Variants in CSMD1 observed in about 807,000 individuals in gnomAD.
The protein encoded by CSMD1 is CUB and sushi domain-containing protein 1.
Under a neutral mutation model 417.5 loss-of-function variants are expected in CSMD1, and 213 were observed. That is an observed-to-expected ratio of 0.51 (90% CI 0.46 to 0.57). The LOEUF is 0.57. Among genes scored for constraint, CSMD1 ranks in the 20% least tolerant of loss-of-function variants. The pLI, the probability that CSMD1 is intolerant of heterozygous loss-of-function variation, is 0.00. For synonymous variants in CSMD1, 2,862 were observed against 1,736.8 expected (o/e 1.65, Z -16.11); for missense variants, 6,923 against 4,529.7 (o/e 1.53, Z -15.17).
At chr8:4,613,365 T>G (rs1161823864) in intron 2 of CSMD1, among the ~76,000 whole-genome samples, 1 of 152,166 alleles carries the variant, frequency 6.6e-6, no homozygotes, top group Non-Finnish European at 1.5e-5. Flanking sequence ...ACCTCCACAC[T>G]GGCACACAGA....
chr8:3,983,578 T>C (rs1290359645), intron 5 of CSMD1, among the ~76,000 whole-genome samples: 2 of 152,222 alleles, frequency 1.3e-5, no homozygotes, highest in African/African-American at 4.8e-5. Context: ...TTGTTTTTGA[T>C]GTTTCTATTT....
intron 5 of CSMD1, among the ~76,000 whole-genome samples, chr8:3,814,529 C>T (rs1801267407): frequency 6.6e-6 from 1 of 152,166 alleles, no homozygotes; most frequent in African/African-American, 2.4e-5. Context: ...TTTGGCACTA[C>T]CTGGAGACGC....
intron 7 of CSMD1, among the ~76,000 whole-genome samples, chr8:3,644,349 T>G (rs1355315763): frequency 1.3e-5 from 2 of 152,202 alleles, no homozygotes; most frequent in African/African-American, 4.8e-5. Flanking sequence ...CCTTGTGTCA[T>G]GTCTGGCTCT....
chr8:3,305,494 G>A (rs555731330), intron 25 of CSMD1, among the ~76,000 whole-genome samples: 386 of 152,118 alleles, frequency 2.5e-3, no homozygotes, highest in African/African-American at 8.1e-3. Flanking sequence ...CATGGGAGTG[G>A]GTTAGCTATA....
chr8:2,953,201 T>G (rs144893868), intron 65 of CSMD1, among the ~76,000 whole-genome samples: 1 of 152,186 alleles, frequency 6.6e-6, no homozygotes, highest in Non-Finnish European at 1.5e-5. Flanking sequence ...GACTTCTGTA[T>G]GTGATTTTTA....
In CSMD1 at chr8:3,093,041, A is replaced by AT. The variant is rs1252723495; in HGVS notation, c.7139-1380dup. ...ACTCCCAATCAGAGCAGTTCTCATGATTTTTTTCAAGTAAGACTGTTATAG... is the reference window on the plus strand; with the variant it reads ...ACTCCCAATCAGAGCAGTTCTCATGATTTTTTTTCAAGTAAGACTGTTATAG... On this transcript the variant is annotated intron_variant, in intron 47 of 69. Coordinates refer to ENST00000635120, the MANE Select transcript of CSMD1 (RefSeq NM_033225.6). Among the ~76,000 whole-genome samples the AT allele has an allele frequency of 1.4e-4, 21 of 152,226 alleles. 1 individual carries two copies. The South Asian group carries it at 2.9e-3, about 21-fold the overall frequency.
intron 1 of CSMD1, among the ~76,000 whole-genome samples, chr8:4,690,073 G>C (rs1460905677): frequency 2.0e-5 from 3 of 152,156 alleles, no homozygotes; most frequent in Non-Finnish European, 4.4e-5. Context: ...ATACGGAGAA[G>C]AGTTACAAAG....
chr8:3,680,646 C>T (rs1563266445), intron 7 of CSMD1, among the ~76,000 whole-genome samples: 1 of 152,098 alleles, frequency 6.6e-6, no homozygotes, highest in African/African-American at 2.4e-5. Context: ...GAAACTATTC[C>T]AATCAATAGA....
intron 11 of CSMD1, among the ~76,000 whole-genome samples, chr8:3,489,476 G>C (rs781627516): frequency 1.3e-5 from 2 of 152,170 alleles, no homozygotes; most frequent in Admixed American, 6.5e-5. Flanking sequence ...ATCCAGGGAA[G>C]GCCATAGCTC....
intron 7 of CSMD1, among the ~76,000 whole-genome samples, chr8:3,689,362 G>A (rs1309892833): frequency 6.6e-6 from 1 of 152,122 alleles, no homozygotes; most frequent in African/African-American, 2.4e-5. Flanking sequence ...TACCACCCTT[G>A]CTGATGCCAT....
intron 5 of CSMD1, among the ~76,000 whole-genome samples, chr8:3,904,351 G>C (rs1476373622): frequency 6.6e-6 from 1 of 152,082 alleles, no homozygotes; most frequent in African/African-American, 2.4e-5. Flanking sequence ...GAAAATATGT[G>C]ACAGATTCAC....
chr8:3,029,962 C>G (rs77794683), intron 50 of CSMD1, among the ~76,000 whole-genome samples: 1 of 151,988 alleles, frequency 6.6e-6, no homozygotes, highest in Non-Finnish European at 1.5e-5. Context: ...TTCTTCAAAC[C>G]TATGAAACAC....
intron 5 of CSMD1, among the ~76,000 whole-genome samples, chr8:3,755,140 T>C (rs1485719566): frequency 1.3e-5 from 2 of 152,212 alleles, no homozygotes; most frequent in Admixed American, 6.5e-5. Flanking sequence ...TTAAAGCTCC[T>C]GCCCGTTAGA....
chr8:3,987,637 C>A (rs966003981), intron 5 of CSMD1, among the ~76,000 whole-genome samples: 2 of 152,164 alleles, frequency 1.3e-5, no homozygotes. Flanking sequence ...ATGAGTAGGG[C>A]TTTGCTGATA....
At chr8:4,113,283 G>C (rs1321596687) in intron 3 of CSMD1, among the ~76,000 whole-genome samples, 1 of 149,772 alleles carries the variant, frequency 6.7e-6, no homozygotes, top group Non-Finnish European at 1.5e-5. Context: ...TCAAAAGCTA[G>C]AAATGATTAA....
chr8:2,957,950 T>C, intron 62 of CSMD1, 143 bp from the exon 63 acceptor site: 1 of 625,142 alleles, frequency 1.6e-6, no homozygotes, highest in Non-Finnish European at 2.9e-6. Context: ...AGTCAACATG[T>C]ACATTTTAAC....
chr8:4,315,102 G>C (rs1055835065), intron 3 of CSMD1, among the ~76,000 whole-genome samples: 5 of 152,114 alleles, frequency 3.3e-5, no homozygotes, highest in African/African-American at 9.7e-5. Flanking sequence ...GAAGAGGACA[G>C]GGCTTCTTAC....
intron 23 of CSMD1, among the ~76,000 whole-genome samples, chr8:3,312,966 T>G (rs1340249601): frequency 6.6e-6 from 1 of 152,228 alleles, no homozygotes; most frequent in Non-Finnish European, 1.5e-5. Context: ...GACTAGAATA[T>G]AATCATTGTT....
At chr8:3,243,894 T>C (rs1799709638) in intron 26 of CSMD1, among the ~76,000 whole-genome samples, 1 of 152,144 alleles carries the variant, frequency 6.6e-6, no homozygotes, top group African/African-American at 2.4e-5. Context: ...GTCTATTAAA[T>C]GCATGAACTA....
Sources: gnomAD v4.1 joint callset for allele counts (sites outside exome capture counted in the v4.1 genomes callset) on GRCh38, gnomAD v4.1.1 for gene constraint, MANE v1.5 for transcripts, NCBI Gene and HGNC (gene_info 2026-07-23, HGNC 2026-07-21) for gene names.